Variants in MTA3 observed in about 807,000 individuals in gnomAD.
MTA3 encodes metastasis associated 1 family member 3, also known as metastasis-associated protein MTA3.
In MTA3, 34 loss-of-function variants were observed where a neutral mutation model predicts 83.5. The ratio of observed to expected loss-of-function variants is 0.41; its 90% CI spans 0.31 to 0.54. The LOEUF is 0.54. MTA3 is among the 20% of genes least tolerant of loss of function. MTA3 has a pLI of 0.33. For synonymous variants in MTA3, 303 were observed against 252.7 expected, an observed-to-expected ratio of 1.20 and a Z score of -1.89; for missense variants, 761 against 726.4, an observed-to-expected ratio of 1.05 and a Z score of -0.55.
intron 15 of MTA3, among the ~76,000 whole-genome samples, chr2:42,720,441 A>G (rs1004014970): frequency 2.0e-5 from 3 of 152,124 alleles, no homozygotes; most frequent in Non-Finnish European, 4.4e-5. Context: ...TCGGCCTCCC[A>G]GAGTGCTGGG....
rs185866784 is a variant in MTA3 at position 42,649,227 on chromosome 2, C to G, written c.499+4983C>G. On this transcript the variant is annotated intron_variant, in intron 6 of 16. Coordinates refer to ENST00000405094, the MANE Select transcript of MTA3 (RefSeq NM_001330442.2). ...TTGACCAACCACGGTGAAACCCCAT[C>G]TCTACTAAAAAATACAAAAATTAGC... Among the ~76,000 whole-genome samples, 334 of 152,204 alleles carry G rather than the reference C, an allele frequency of 2.2e-3. 2 individuals carry two copies. The highest frequency in any genetic ancestry group is 0.014 in the Middle Eastern group (4 of 294).
chr2:42,722,271 T>G (rs1573758169), intron 15 of MTA3, among the ~76,000 whole-genome samples: 1 of 152,354 alleles, frequency 6.6e-6, no homozygotes, highest in East Asian at 1.9e-4. Context: ...TTGTTAAACA[T>G]GCATATACCA....
At chr2:42,645,991 A>C (rs527486492) in intron 6 of MTA3, among the ~76,000 whole-genome samples, 1 of 152,218 alleles carries the variant, frequency 6.6e-6, no homozygotes. Context: ...TTAGTGACTA[A>C]TGTAGCTGGT....
intron 14 of MTA3, among the ~76,000 whole-genome samples, chr2:42,718,205 C>T (rs954770462): frequency 6.7e-6 from 1 of 150,144 alleles, no homozygotes; most frequent in Non-Finnish European, 1.5e-5. Context: ...GTGGTAATGT[C>T]CTTGAAGAGT....
intron 2 of MTA3, among the ~76,000 whole-genome samples, chr2:42,504,556 T>A (rs1674544009): frequency 6.6e-6 from 1 of 152,104 alleles, no homozygotes; most frequent in African/African-American, 2.4e-5. Context: ...ACCACATTCT[T>A]AAAGATGAGA....
chr2:42,669,987 G>C (rs931406674), intron 8 of MTA3, among the ~76,000 whole-genome samples: 5 of 152,182 alleles, frequency 3.3e-5, no homozygotes, highest in Admixed American at 6.6e-5. Flanking sequence ...AAAACTAGCT[G>C]GGCATGGTGG....
At chr2:42,685,084 A>G (rs1016530087) in intron 9 of MTA3, among the ~76,000 whole-genome samples, 9 of 152,344 alleles carry the variant, frequency 5.9e-5, no homozygotes, top group African/African-American at 2.2e-4. Flanking sequence ...TGAAACTTAC[A>G]GCACTCCTAG....
chr2:42,644,708 A>C (rs1688011727), intron 6 of MTA3, among the ~76,000 whole-genome samples: 1 of 152,194 alleles, frequency 6.6e-6, no homozygotes, highest in Non-Finnish European at 1.5e-5. Flanking sequence ...AAACATTTCA[A>C]ACCTTTTCAT....
intron 15 of MTA3, 87 bp downstream of exon 15, chr2:42,719,161 C>G: frequency 2.1e-6 from 2 of 957,164 alleles, no homozygotes; most frequent in South Asian, 1.5e-5. Flanking sequence ...CATACCTAAA[C>G]TAATTCAGGC....
At chr2:42,611,110 T>G (rs1354996858) in intron 4 of MTA3, among the ~76,000 whole-genome samples, 1 of 151,462 alleles carries the variant, frequency 6.6e-6, no homozygotes. Flanking sequence ...GCCTTCCGAG[T>G]AGCTGGGATT....
chr2:42,743,391 C>A (rs1326727967), intron 16 of MTA3, among the ~76,000 whole-genome samples: 2 of 152,134 alleles, frequency 1.3e-5, no homozygotes, highest in African/African-American at 2.4e-5. Flanking sequence ...AATGACATGG[C>A]TTTTTGTCTC....
At chr2:42,666,054 G>T (rs1690202230) in intron 8 of MTA3, among the ~76,000 whole-genome samples, 1 of 152,146 alleles carries the variant, frequency 6.6e-6, no homozygotes, top group Admixed American at 6.5e-5. Flanking sequence ...GAGGTGGGTG[G>T]ATCACGAGAT....
chr2:42,673,676 G>C (rs1378746890), intron 8 of MTA3, among the ~76,000 whole-genome samples: 4 of 152,186 alleles, frequency 2.6e-5, no homozygotes, highest in Non-Finnish European at 4.4e-5. Flanking sequence ...GGATTGACTA[G>C]TGGGAGGAGG....
At chr2:42,748,344 G>C (rs1480788982) in intron 16 of MTA3, among the ~76,000 whole-genome samples, 1 of 152,082 alleles carries the variant, frequency 6.6e-6, no homozygotes, top group African/African-American at 2.4e-5. Context: ...GATTACAGGC[G>C]TGAGCCACTG....
intron 4 of MTA3, among the ~76,000 whole-genome samples, chr2:42,634,958 A>G (rs1474961365): frequency 6.6e-6 from 1 of 152,094 alleles, no homozygotes; most frequent in African/African-American, 2.4e-5. Flanking sequence ...TCTTTCTTGT[A>G]TAAACTTTTG....
intron 2 of MTA3, among the ~76,000 whole-genome samples, chr2:42,522,726 G>C (rs1461184237): frequency 1.3e-5 from 2 of 151,334 alleles, no homozygotes; most frequent in Non-Finnish European, 2.9e-5. Flanking sequence ...TTGGGAGAGA[G>C]AGACCCTGTC....
chr2:42,528,554 G>A (rs577172908), intron 2 of MTA3, among the ~76,000 whole-genome samples: 6 of 152,234 alleles, frequency 3.9e-5, no homozygotes, highest in Non-Finnish European at 4.4e-5. Context: ...GTGTCTTTGC[G>A]GAGAGCCAGG....
At chr2:42,521,524 GT>G (rs2103694046) in intron 2 of MTA3, among the ~76,000 whole-genome samples, 1 of 152,220 alleles carries the variant, frequency 6.6e-6, no homozygotes, top group Admixed American at 6.5e-5. Flanking sequence ...CTAAACCCTT[GT>G]ACCACCTTCA....
At chr2:42,509,366 T>G (rs964759256) in intron 2 of MTA3, among the ~76,000 whole-genome samples, 1 of 152,106 alleles carries the variant, frequency 6.6e-6, no homozygotes, top group African/African-American at 2.4e-5. Context: ...ATTTACCGTC[T>G]GTCTCCCACA....
Sources: allele counts gnomAD v4.1 joint callset (sites outside exome capture counted in the v4.1 genomes callset), GRCh38; gene constraint gnomAD v4.1.1; transcripts MANE v1.5; gene names NCBI Gene and HGNC (gene_info 2026-07-23, HGNC 2026-07-21).